ARHGAP20: variants seen among roughly 807,000 people sequenced by gnomAD.
ARHGAP20 encodes the protein Rho GTPase activating protein 20.
Under a neutral mutation model 73.7 loss-of-function variants are expected in ARHGAP20, and 34 were observed. That is an observed-to-expected ratio of 0.46 (90% CI 0.35 to 0.61). ARHGAP20 has a LOEUF of 0.61. Among genes scored for constraint, ARHGAP20 ranks in the 20% least tolerant of loss-of-function variants. The probability of loss-of-function intolerance (pLI) is 0.00; values close to 1 mark genes in which losing one functional copy is unlikely to be tolerated. For missense variants in ARHGAP20, 1,314 were observed against 1,420.9 expected (o/e 0.92, Z 1.21); for synonymous variants, 523 against 518.2 (o/e 1.01, Z -0.13).
At chr11:110,711,606 G>A in intron 1 of ARHGAP20, 6 of 1,485,608 alleles carry the variant, frequency 4.0e-6, no homozygotes, top group Non-Finnish European at 5.3e-6. Context: ...GCCGCGCCTC[G>A]GCGGGCAGGT....
intron 2 of ARHGAP20, among the ~76,000 whole-genome samples, chr11:110,643,843 T>C (rs535810995): frequency 1.3e-5 from 2 of 152,238 alleles, no homozygotes; most frequent in South Asian, 4.1e-4. Flanking sequence ...ACACTGTCAG[T>C]GGGGCCCTGA....
chr11:110,660,062 A>AAAAAAAAAAAAAAAC (rs1949568982), intron 2 of ARHGAP20, among the ~76,000 whole-genome samples: 1 of 113,210 alleles, frequency 8.8e-6, no homozygotes, highest in Non-Finnish European at 1.7e-5. Context: ...AATAAAAAAC[A>AAAAAAAAAAAAAAAC]AAAAAAAAAA....
intron 2 of ARHGAP20, among the ~76,000 whole-genome samples, chr11:110,659,484 C>T (rs1405139658): frequency 6.6e-6 from 1 of 151,858 alleles, no homozygotes. Flanking sequence ...GAGTAGGTTG[C>T]AAAAATGTTC....
At chr11:110,608,452 G>A (rs1948285757) in intron 8 of ARHGAP20, among the ~76,000 whole-genome samples, 1 of 152,090 alleles carries the variant, frequency 6.6e-6, no homozygotes, top group Non-Finnish European at 1.5e-5. Flanking sequence ...TTTAATTACT[G>A]AAGTAGCAGA....
chr11:110,677,915 C>G (rs1949964901), intron 2 of ARHGAP20, among the ~76,000 whole-genome samples: 1 of 152,052 alleles, frequency 6.6e-6, no homozygotes, highest in South Asian at 2.1e-4. Flanking sequence ...CAAACAAAAA[C>G]TTATACATGA....
chr11:110,604,236 A>C (rs1420100307), intron 9 of ARHGAP20, among the ~76,000 whole-genome samples: 1 of 152,180 alleles, frequency 6.6e-6, no homozygotes, highest in Non-Finnish European at 1.5e-5. Context: ...ATTTAAAAAG[A>C]AACAACATTA....
chr11:110,657,966 G>GGAAGGAAGGAAGGAAC (rs1949508681), intron 2 of ARHGAP20, among the ~76,000 whole-genome samples: 1 of 143,072 alleles, frequency 7.0e-6, no homozygotes, highest in Non-Finnish European at 1.5e-5. Flanking sequence ...AAGGAAGGAA[G>GGAAGGAAGGAAGGAAC]GAAGAAAATG....
At chr11:110,593,686 G>A (rs1466470644) in intron 9 of ARHGAP20, among the ~76,000 whole-genome samples, 2 of 152,196 alleles carry the variant, frequency 1.3e-5, no homozygotes, top group African/African-American at 4.8e-5. Context: ...GGAAAGTGAG[G>A]GGGGATCCCA....
chr11:110,674,384 C>T (rs1404704796), intron 2 of ARHGAP20, among the ~76,000 whole-genome samples: 3 of 152,170 alleles, frequency 2.0e-5, no homozygotes, highest in African/African-American at 7.2e-5. Flanking sequence ...TTGAGCATCC[C>T]TGATCTGAAA....
At chr11:110,648,002 C>G (rs1346500850) in intron 2 of ARHGAP20, among the ~76,000 whole-genome samples, 1 of 151,578 alleles carries the variant, frequency 6.6e-6, no homozygotes, top group African/African-American at 2.4e-5. Context: ...CTTTGATAGT[C>G]TATTTCAGTT....
chr11:110,660,063 A>AGC (rs1565463986), intron 2 of ARHGAP20, among the ~76,000 whole-genome samples: 1 of 123,320 alleles, frequency 8.1e-6, no homozygotes, highest in Non-Finnish European at 1.6e-5. Context: ...ATAAAAAACA[A>AGC]AAAAAAAAAA....
intron 4 of ARHGAP20, among the ~76,000 whole-genome samples, chr11:110,617,140 TA>T (rs1485843334): frequency 6.6e-6 from 1 of 152,236 alleles, no homozygotes; most frequent in Non-Finnish European, 1.5e-5. Context: ...GTACTTTATA[TA>T]AATGTAACCA....
chr11:110,655,417 T>C (rs1949443851), intron 2 of ARHGAP20, among the ~76,000 whole-genome samples: 1 of 152,110 alleles, frequency 6.6e-6, no homozygotes, highest in Non-Finnish European at 1.5e-5. Context: ...ATGAGAGACC[T>C]ATATGTGAAT....
rs999903224 is a variant in ARHGAP20 at position 110,629,802 on chromosome 11, C to T, written c.353+826G>A. ...ACTTGAGTGAGCTTGGAAGTAGATT[C>T]TCCAGCTCCAGGTGAGCTTTGAGAT... is the stretch of plus-strand genomic sequence containing the variant. On this transcript the variant is annotated intron_variant, in intron 3 of 14. Coordinates refer to ENST00000683387, the MANE Select transcript of ARHGAP20 (RefSeq NM_001384657.1). Among the ~76,000 whole-genome samples the T allele has an allele frequency of 5.0e-4, 76 of 152,192 alleles. 2 individuals carry two copies.
chr11:110,651,786 T>C (rs758336664), intron 2 of ARHGAP20, among the ~76,000 whole-genome samples: 7 of 151,834 alleles, frequency 4.6e-5, no homozygotes, highest in African/African-American at 1.2e-4. Flanking sequence ...TAGACAGATT[T>C]ATAGCTGAAT....
intron 2 of ARHGAP20, among the ~76,000 whole-genome samples, chr11:110,655,320 TAGAA>T (rs1028354209): frequency 1.6e-4 from 25 of 152,150 alleles, no homozygotes; most frequent in African/African-American, 5.1e-4. Flanking sequence ...GTCACTGTCT[TAGAA>T]AGAATTCTCA....
chr11:110,637,326 T>C (rs935342690), intron 2 of ARHGAP20, among the ~76,000 whole-genome samples: 1 of 152,176 alleles, frequency 6.6e-6, no homozygotes, highest in African/African-American at 2.4e-5. Context: ...TGGATAACCT[T>C]AAAGCCTGGT....
At chr11:110,673,797 C>T (rs1949875428) in intron 2 of ARHGAP20, among the ~76,000 whole-genome samples, 1 of 152,108 alleles carries the variant, frequency 6.6e-6, no homozygotes. Flanking sequence ...TAAACCTAGT[C>T]CTTGGTACAG....
Position 110,691,256 on chromosome 11 carries a change from T to C in ARHGAP20, c.106-627A>G, listed in dbSNP as rs186954920. 3.6e-4 allele frequency among the ~76,000 whole-genome samples: 55 copies of C among 152,262 alleles called. 1 individual carries two copies. Among genetic ancestry groups the C allele is most frequent in the African/African-American group, 1.3e-3 (52 of 41,546 alleles). On this transcript the variant is annotated intron_variant, in intron 1 of 14. Coordinates refer to ENST00000683387, the MANE Select transcript of ARHGAP20 (RefSeq NM_001384657.1). ...TCCAGTGACCTAAAGTTGCAGTAAA[T>C]GAAGTTTATTCGACTTGAATTATTC...
Sources: allele counts gnomAD v4.1 joint callset (sites outside exome capture counted in the v4.1 genomes callset), GRCh38; gene constraint gnomAD v4.1.1; transcripts MANE v1.5; gene names NCBI Gene and HGNC (gene_info 2026-07-23, HGNC 2026-07-21).